The following NBAS variants were observed in gnomAD, a reference collection of about 807,000 sequenced individuals.
NBAS encodes NBAS subunit of NRZ tethering complex.
Under a neutral mutation model 302.5 loss-of-function variants are expected in NBAS, and 219 were observed. The observed-to-expected ratio is 0.72, with a 90% CI of 0.65 to 0.81. The LOEUF (loss-of-function observed/expected upper bound fraction) is 0.81, where lower values mean the gene tolerates loss of function less well. NBAS is among the 30% of genes least tolerant of loss of function. The pLI is 0.00. For synonymous variants in NBAS, 1,118 were observed against 1,021.6 expected, an observed-to-expected ratio of 1.09 and a Z score of -1.80; for missense variants, 2,932 against 2,841.6, an observed-to-expected ratio of 1.03 and a Z score of -0.72.
intron 12 of NBAS, among the ~76,000 whole-genome samples, chr2:15,483,072 T>C (rs558038412): frequency 6.6e-6 from 1 of 152,352 alleles, no homozygotes. Context: ...TTCTTTAGAC[T>C]TGAGAATTTT....
the NBAS span, among the ~76,000 whole-genome samples, chr2:14,910,235 A>G: frequency 1.3e-5 from 2 of 152,190 alleles, no homozygotes; most frequent in African/African-American, 4.8e-5. Flanking sequence ...AAAGAACATG[A>G]CTTCTTGAAA....
intron 35 of NBAS, among the ~76,000 whole-genome samples, chr2:15,343,830 T>A (rs563693246): frequency 7.9e-5 from 12 of 151,846 alleles, no homozygotes; most frequent in African/African-American, 2.9e-4. Context: ...ACAACAAAAG[T>A]ATAATACATA....
chr2:15,346,888 A>C (rs1673116620), intron 35 of NBAS, among the ~76,000 whole-genome samples: 1 of 152,194 alleles, frequency 6.6e-6, no homozygotes, highest in African/African-American at 2.4e-5. Flanking sequence ...ATCCTCAGCA[A>C]ACTAACACAT....
the NBAS span, among the ~76,000 whole-genome samples, chr2:15,073,434 C>T: frequency 2.7e-5 from 4 of 146,422 alleles, no homozygotes; most frequent in South Asian, 8.6e-4. Flanking sequence ...CAAGACAACA[C>T]TATTGCACTC....
the NBAS span, among the ~76,000 whole-genome samples, chr2:14,930,628 T>A: frequency 2.6e-5 from 4 of 152,350 alleles, no homozygotes; most frequent in Admixed American, 1.3e-4. Context: ...TGCTACCAGA[T>A]GCCCATATGT....
the NBAS span, among the ~76,000 whole-genome samples, chr2:14,924,062 A>C: frequency 6.6e-6 from 1 of 152,178 alleles, no homozygotes; most frequent in Non-Finnish European, 1.5e-5. Context: ...CTCACACAGA[A>C]TACATCTGCC....
chr2:15,322,296 G>A (rs927369988), intron 38 of NBAS, among the ~76,000 whole-genome samples: 1 of 152,052 alleles, frequency 6.6e-6, no homozygotes, highest in African/African-American at 2.4e-5. Context: ...TAAATGACGA[G>A]TTGATGGGTG....
At chr2:15,476,821 C>A (rs13399854) in intron 13 of NBAS, among the ~76,000 whole-genome samples, 2,568 of 152,218 alleles carry the variant, frequency 0.017, 63 homozygotes, top group African/African-American at 0.059. Flanking sequence ...TTGAATATCA[C>A]CTGTTATACA....
chr2:15,487,081 A>G (rs544486734), intron 12 of NBAS, among the ~76,000 whole-genome samples: 1 of 152,354 alleles, frequency 6.6e-6, no homozygotes, highest in Admixed American at 6.5e-5. Flanking sequence ...TAGGTGAATA[A>G]AAGTAATTTT....
chr2:14,945,715 AG>A, the NBAS span, among the ~76,000 whole-genome samples: 1 of 152,210 alleles, frequency 6.6e-6, no homozygotes, highest in Non-Finnish European at 1.5e-5. Flanking sequence ...GCTTGAAGAC[AG>A]GCTACTTCAA....
intron 2 of NBAS, among the ~76,000 whole-genome samples, chr2:15,557,971 C>T (rs1190933930): frequency 1.3e-5 from 2 of 152,166 alleles, no homozygotes; most frequent in African/African-American, 2.4e-5. Flanking sequence ...ATCTGAAACA[C>T]CACATAGACC....
chr2:15,459,066 C>A (rs1679386022), intron 21 of NBAS, among the ~76,000 whole-genome samples: 3 of 152,164 alleles, frequency 2.0e-5, no homozygotes, highest in Admixed American at 2.0e-4. Context: ...ACAGGGCATT[C>A]AAAGAAAAGT....
At chr2:14,805,556 C>G in the NBAS span, among the ~76,000 whole-genome samples, 366 of 152,208 alleles carry the variant, frequency 2.4e-3, no homozygotes, top group African/African-American at 8.0e-3. Context: ...ATCTTTGTTT[C>G]TGTGTGAAAT....
chr2:15,251,334 C>G (rs1028368586), intron 44 of NBAS, among the ~76,000 whole-genome samples: 26 of 152,106 alleles, frequency 1.7e-4, no homozygotes, highest in African/African-American at 6.3e-4. Context: ...GGAGGGATAG[C>G]ATTAGGGGAA....
At chr2:15,186,717 G>A (rs1572414814) in intron 50 of NBAS, 25 bp downstream of exon 50, 2 of 1,613,478 alleles carry the variant, frequency 1.2e-6, no homozygotes, top group African/African-American at 1.3e-5. Context: ...CACTCCTTAG[G>A]AAAGCACTCA....
At chr2:14,787,461 G>A in the NBAS span, among the ~76,000 whole-genome samples, 40 of 152,220 alleles carry the variant, frequency 2.6e-4, no homozygotes, top group South Asian at 6.8e-3. Flanking sequence ...GGCTGGTACC[G>A]GCTCTTCCTT....
the NBAS span, among the ~76,000 whole-genome samples, chr2:15,004,240 A>G: frequency 1.3e-5 from 2 of 152,276 alleles, no homozygotes; most frequent in Middle Eastern, 3.4e-3. Flanking sequence ...GTATTTTCTG[A>G]TTTGATGCCA....
chr2:15,390,748 AAG>A (rs1675551287), intron 28 of NBAS, among the ~76,000 whole-genome samples: 1 of 152,190 alleles, frequency 6.6e-6, no homozygotes, highest in African/African-American at 2.4e-5. Context: ...TTTTTTAAAA[AAG>A]AAAATTTATA....
chr2:15,103,038 C>T, the NBAS span, among the ~76,000 whole-genome samples: 8,537 of 50,144 alleles, frequency 0.17, 587 homozygotes, highest in African/African-American at 0.38. Context: ...GAAAGAGGGT[C>T]GGAGGGAGGG....
Sources: allele counts gnomAD v4.1 joint callset (sites outside exome capture counted in the v4.1 genomes callset), GRCh38; gene constraint gnomAD v4.1.1; transcripts MANE v1.5; gene names NCBI Gene and HGNC (gene_info 2026-07-23, HGNC 2026-07-21).